NEO1: variants seen among roughly 807,000 people sequenced by gnomAD.
The protein encoded by NEO1 is neogenin.
Under a neutral mutation model 159.7 loss-of-function variants are expected in NEO1, and 63 were observed. That is an observed-to-expected ratio of 0.39 (90% CI 0.32 to 0.49). The LOEUF is 0.49. NEO1 is among the 20% of genes least tolerant of loss of function. NEO1 has a pLI of 0.85. For synonymous variants in NEO1, 633 were observed against 662.0 expected, an observed-to-expected ratio of 0.96 and a Z score of 0.67; for missense variants, 1,615 against 1,831.0, an observed-to-expected ratio of 0.88 and a Z score of 2.15.
intron 27 of NEO1, 105 bp from the exon 28 acceptor site, chr15:73,301,216 C>A: frequency 6.9e-7 from 1 of 1,440,236 alleles, no homozygotes; most frequent in Non-Finnish European, 9.5e-7. Context: ...TGCACTGGGT[C>A]TGTATGTCTC....
intron 2 of NEO1, among the ~76,000 whole-genome samples, chr15:73,121,731 A>G (rs1033218196): frequency 1.3e-5 from 2 of 152,058 alleles, no homozygotes; most frequent in South Asian, 4.1e-4. Flanking sequence ...ATTTGCATGA[A>G]CCGACAGATT....
intron 2 of NEO1, among the ~76,000 whole-genome samples, chr15:73,120,882 G>A (rs751015662): frequency 6.2e-4 from 95 of 152,032 alleles, no homozygotes; most frequent in Non-Finnish European, 1.1e-3. Flanking sequence ...GGGAGTAGGT[G>A]CAAGAATAGA....
intron 1 of NEO1, 121 bp from the exon 2 acceptor site, chr15:73,116,419 A>G (rs2071321895): frequency 2.6e-6 from 2 of 754,726 alleles, no homozygotes; most frequent in Non-Finnish European, 4.0e-6. Flanking sequence ...AGATGACTAT[A>G]TTTATGTGTC....
intron 1 of NEO1, among the ~76,000 whole-genome samples, chr15:73,098,049 A>G (rs1413127642): frequency 6.6e-6 from 1 of 151,270 alleles, no homozygotes; most frequent in East Asian, 1.9e-4. Context: ...ATGTTCTCCA[A>G]ATCAGTAAAG....
intron 15 of NEO1, among the ~76,000 whole-genome samples, chr15:73,265,092 T>C (rs190217833): frequency 6.6e-6 from 1 of 152,254 alleles, no homozygotes; most frequent in East Asian, 1.9e-4. Flanking sequence ...GAGAAGGCCC[T>C]GTGTTGGAGA....
chr15:73,248,104 T>G (rs927339824), intron 9 of NEO1, among the ~76,000 whole-genome samples: 1 of 152,240 alleles, frequency 6.6e-6, no homozygotes, highest in African/African-American at 2.4e-5. Flanking sequence ...TTCATCTCAC[T>G]TGGTTTAGTG....
intron 13 of NEO1, chr15:73,255,699 T>C (rs772358229): frequency 1.3e-5 from 2 of 152,286 alleles, no homozygotes; most frequent in African/African-American, 4.8e-5. Context: ...GCCAAGACTC[T>C]GTCCTGCTCA....
intron 11 of NEO1, 48 bp from the exon 12 acceptor site, chr15:73,253,352 G>A (rs2040176719): frequency 3.5e-6 from 4 of 1,156,068 alleles, no homozygotes; most frequent in Admixed American, 2.1e-5. Flanking sequence ...GATGGGTGAT[G>A]TATGGGTGAT....
chr15:73,064,919 C>T (rs963742783), intron 1 of NEO1, among the ~76,000 whole-genome samples: 1 of 152,076 alleles, frequency 6.6e-6, no homozygotes, highest in Non-Finnish European at 1.5e-5. Flanking sequence ...TTTACTTCTG[C>T]TTGCACTGCT....
At chr15:73,169,880 A>T (rs2034838883) in intron 5 of NEO1, among the ~76,000 whole-genome samples, 2 of 151,954 alleles carry the variant, frequency 1.3e-5, no homozygotes, top group African/African-American at 2.4e-5. Flanking sequence ...GGGTGTGGGT[A>T]TGTGCTTATA....
rs148602635 is a variant in NEO1, at chr15:73,116,979, A to G, written c.448+122A>G. The G allele has an allele frequency of 1.3e-4, 101 of 775,550 alleles. No individual in the cohort carries two copies. The African/African-American group carries it at 1.7e-3, about 13-fold the overall frequency. 48.0% of individuals were successfully genotyped at this position (775,550 alleles called of 1,614,324 possible). ...AGCAACAAATATACTCATTTAACAG[A>G]TATCAATTGTGCATATACTCTGCGT... On this transcript the variant is annotated intron_variant, in intron 2 of 28. Coordinates refer to ENST00000261908, the MANE Select transcript of NEO1 (RefSeq NM_002499.4).
chr15:73,225,697 C>G (rs1273491400), intron 7 of NEO1, among the ~76,000 whole-genome samples: 1 of 152,168 alleles, frequency 6.6e-6, no homozygotes, highest in Non-Finnish European at 1.5e-5. Flanking sequence ...GGCTTGAGAA[C>G]TTGCCCCAGG....
chr15:73,156,639 G>A (rs888284767), intron 5 of NEO1, among the ~76,000 whole-genome samples: 2 of 152,192 alleles, frequency 1.3e-5, no homozygotes, highest in African/African-American at 2.4e-5. Context: ...CCAGTAGGTG[G>A]CACTTGCAGG....
At chr15:73,289,533 G>T (rs900342580) in intron 25 of NEO1, among the ~76,000 whole-genome samples, 1 of 152,188 alleles carries the variant, frequency 6.6e-6, no homozygotes, top group Non-Finnish European at 1.5e-5. Context: ...CTATGGGAGA[G>T]ATGGGAAAGC....
intron 1 of NEO1, among the ~76,000 whole-genome samples, chr15:73,079,562 A>G (rs957509840): frequency 5.3e-5 from 8 of 152,158 alleles, no homozygotes; most frequent in Non-Finnish European, 1.0e-4. Flanking sequence ...TTTTAAATAA[A>G]TGTCTCTCTT....
chr15:73,259,154 A>AT, intron 14 of NEO1: 2 of 267,352 alleles, frequency 7.5e-6, no homozygotes, highest in South Asian at 1.4e-4. Flanking sequence ...AAGTAGATGG[A>AT]TGATCTAAAA....
chr15:73,276,238 C>A (rs1453063001), intron 21 of NEO1, among the ~76,000 whole-genome samples: 1 of 152,112 alleles, frequency 6.6e-6, no homozygotes, highest in Non-Finnish European at 1.5e-5. Context: ...ATTTCTTGTT[C>A]ATAGTTTACA....
chr15:73,255,168 T>C lies in NEO1; in HGVS notation c.2092+339T>C, dbSNP rs191312270. ...TAAGCATAGAAATTACCCCACTCAGTATAGTTGGTAACTGAGGTCTACAAA... is the reference window on the plus strand; with the variant it reads ...TAAGCATAGAAATTACCCCACTCAGCATAGTTGGTAACTGAGGTCTACAAA... On this transcript the variant is annotated intron_variant, in intron 13 of 28. Coordinates refer to ENST00000261908, the MANE Select transcript of NEO1 (RefSeq NM_002499.4). Among the ~76,000 whole-genome samples the C allele has an allele frequency of 2.4e-3, 368 of 152,346 alleles. 2 individuals are homozygous for C. The highest frequency in any genetic ancestry group is 4.3e-3 in the Non-Finnish European group (291 of 68,032).
intron 2 of NEO1, among the ~76,000 whole-genome samples, chr15:73,119,644 G>A (rs547712001): frequency 3.0e-4 from 45 of 152,172 alleles, no homozygotes; most frequent in African/African-American, 8.9e-4. Context: ...CAGGACAACC[G>A]GCTTCCTTCT....
Sources: gnomAD v4.1 joint callset for allele counts (sites outside exome capture counted in the v4.1 genomes callset) on GRCh38, gnomAD v4.1.1 for gene constraint, MANE v1.5 for transcripts, NCBI Gene and HGNC (gene_info 2026-07-23, HGNC 2026-07-21) for gene names.